The following DESI2 variants were observed in gnomAD, a reference collection of about 807,000 sequenced individuals.
The protein encoded by DESI2 is deubiquitinase DESI2.
Under a neutral mutation model 24.1 loss-of-function variants are expected in DESI2, and 10 were observed. The observed-to-expected ratio is 0.41, with a 90% CI of 0.26 to 0.70. DESI2 has a LOEUF of 0.70. Among genes scored for constraint, DESI2 ranks in the 30% least tolerant of loss-of-function variants. The pLI, the probability that DESI2 is intolerant of heterozygous loss-of-function variation, is 0.29. For missense variants in DESI2, 122 were observed against 234.9 expected, an observed-to-expected ratio of 0.52 and a Z score of 3.14; for synonymous variants, 71 against 87.7, an observed-to-expected ratio of 0.81 and a Z score of 1.06.
At chr1:244,675,191 A>G (rs1472722512) in intron 1 of DESI2, among the ~76,000 whole-genome samples, 2 of 152,144 alleles carry the variant, frequency 1.3e-5, no homozygotes, top group African/African-American at 4.8e-5. Flanking sequence ...TGTATTCTAC[A>G]TATAAGTCCC....
intron 4 of DESI2, among the ~76,000 whole-genome samples, chr1:244,696,830 A>G (rs901568021): frequency 3.9e-5 from 6 of 152,032 alleles, no homozygotes; most frequent in Non-Finnish European, 7.4e-5. Context: ...TTGTACAACT[A>G]ATTTGGTTTA....
intron 1 of DESI2, among the ~76,000 whole-genome samples, chr1:244,666,322 G>T (rs1558652571): frequency 6.6e-6 from 1 of 152,110 alleles, no homozygotes; most frequent in East Asian, 1.9e-4. Context: ...CTGTGTACTA[G>T]AACCCATCCT....
chr1:244,666,204 G>A (rs1245158902), intron 1 of DESI2, among the ~76,000 whole-genome samples: 2 of 152,062 alleles, frequency 1.3e-5, no homozygotes, highest in African/African-American at 4.8e-5. Context: ...AAAAGAAAAG[G>A]CAGTTTTCTC....
At position 244,653,196 on chromosome 1, in the gene DESI2, G is replaced by C. The variant is rs1379744865; in HGVS notation, c.-118G>C. ...GCTTCCGCCCCGGCTGCCGCGGGCCGGGCTGTACGCTTAGTGCCCGGCTCA... is the reference window on the plus strand; with the variant it reads ...GCTTCCGCCCCGGCTGCCGCGGGCCCGGCTGTACGCTTAGTGCCCGGCTCA... On this transcript the variant is annotated 5_prime_UTR_variant, in exon 1 of 5. Coordinates refer to ENST00000302550, the MANE Select transcript of DESI2 (RefSeq NM_016076.5). 25 of 1,084,144 alleles carry C rather than the reference G, an allele frequency of 2.3e-5. No individual in the cohort carries two copies. Among genetic ancestry groups the C allele is most frequent in the Non-Finnish European group, 3.1e-5 (25 of 811,932 alleles). 67.2% of individuals were successfully genotyped at this position (1,084,144 alleles called of 1,614,324 possible).
intron 1 of DESI2, among the ~76,000 whole-genome samples, chr1:244,671,313 G>A (rs1380807373): frequency 6.6e-6 from 1 of 152,158 alleles, no homozygotes; most frequent in Non-Finnish European, 1.5e-5. Flanking sequence ...ACCTTAAGTA[G>A]ATGTGGTTCG....
intron 1 of DESI2, chr1:244,653,939 C>T (rs1318212876): frequency 4.2e-6 from 2 of 471,196 alleles, no homozygotes; most frequent in Non-Finnish European, 8.8e-6. Flanking sequence ...ATGAATGAGG[C>T]TAACATTTCT....
chr1:244,668,522 G>A (rs554366990), intron 1 of DESI2, among the ~76,000 whole-genome samples: 1 of 152,256 alleles, frequency 6.6e-6, no homozygotes, highest in African/African-American at 2.4e-5. Flanking sequence ...CCTCTAACAT[G>A]AACACTGATT....
chr1:244,690,284 C>T (rs1198075144), intron 3 of DESI2, among the ~76,000 whole-genome samples: 2 of 152,120 alleles, frequency 1.3e-5, no homozygotes. Context: ...GTGTTCTCAT[C>T]GTTCAGTTCC....
intron 1 of DESI2, among the ~76,000 whole-genome samples, chr1:244,663,380 G>T (rs1476049721): frequency 3.9e-5 from 6 of 152,032 alleles, no homozygotes; most frequent in South Asian, 4.2e-4. Context: ...GTTTCACCAT[G>T]TTAGCCAGGA....
chr1:244,694,596 C>A (rs568437792), intron 4 of DESI2: 2 of 846,912 alleles, frequency 2.4e-6, no homozygotes, highest in African/African-American at 1.7e-5. Flanking sequence ...CTTTCTCTTG[C>A]GCTTGGCGGG....
rs1406967509 is a variant in DESI2, at chr1:244,696,502, C to T, written c.351+4482C>T. Reference sequence around the variant, plus strand: ...AGGCACGGTGGTGTGTGCCTGTAGTCCCAGCTGCTTGGGAGGCTGAGGTAG... The same window carrying T: ...AGGCACGGTGGTGTGTGCCTGTAGTTCCAGCTGCTTGGGAGGCTGAGGTAG... On this transcript the variant is annotated intron_variant, in intron 4 of 4. Coordinates refer to ENST00000302550, the MANE Select transcript of DESI2 (RefSeq NM_016076.5). 7.2e-5 allele frequency among the ~76,000 whole-genome samples: 11 copies of T among 152,114 alleles called. 1 individual carries two copies. Among genetic ancestry groups the T allele is most frequent in the African/African-American group, 2.7e-4 (11 of 41,414 alleles).
At chr1:244,665,841 G>C (rs535887938) in intron 1 of DESI2, among the ~76,000 whole-genome samples, 1 of 152,308 alleles carries the variant, frequency 6.6e-6, no homozygotes, top group East Asian at 1.9e-4. Flanking sequence ...GTGTGAGCCA[G>C]TTCCTTAAAA....
intron 1 of DESI2, 156 bp downstream of exon 1, chr1:244,653,511 T>C (rs930673841): frequency 1.6e-5 from 11 of 697,074 alleles, no homozygotes; most frequent in African/African-American, 1.5e-4. Context: ...AGTATTGTTA[T>C]TTTTTAATCC....
chr1:244,705,823 T>G lies in DESI2; in HGVS notation c.*34T>G. The G allele has an allele frequency of 5.0e-5, 73 of 1,469,604 alleles. No homozygotes were observed. The highest frequency in any genetic ancestry group is 6.1e-5 in the Non-Finnish European group (65 of 1,065,800). The allele number at this position is 1,469,604 out of a possible 1,614,324, so 91.0% of individuals were successfully genotyped here. ...AAAGTCACACATTCAGAACTGTCTC[T>G]GGCAGTCGAATATCACTAGAGAAAA... On this transcript the variant is annotated 3_prime_UTR_variant, in exon 5 of 5. Coordinates refer to ENST00000302550, the MANE Select transcript of DESI2 (RefSeq NM_016076.5).
chr1:244,679,859 A>G (rs1480427138), intron 1 of DESI2, among the ~76,000 whole-genome samples: 1 of 86,566 alleles, frequency 1.2e-5, no homozygotes, highest in Non-Finnish European at 2.1e-5. Flanking sequence ...AGAGTGAGAG[A>G]CTCTATCTCA....
chr1:244,665,548 C>T (rs1040445175), intron 1 of DESI2, among the ~76,000 whole-genome samples: 8 of 152,160 alleles, frequency 5.3e-5, no homozygotes, highest in African/African-American at 1.9e-4. Flanking sequence ...TGCTATGTGT[C>T]GACTTGAGTA....
intron 1 of DESI2, 84 bp from the exon 2 acceptor site, chr1:244,686,513 G>A: frequency 1.2e-6 from 1 of 843,982 alleles, no homozygotes; most frequent in South Asian, 1.4e-5. Context: ...CAGAGTGAAA[G>A]ACTGGGGAGC....
At chr1:244,699,578 CAAAAAAAAAAAAAAAAAAA>C (rs559295405) in intron 4 of DESI2, among the ~76,000 whole-genome samples, 37 of 66,224 alleles carry the variant, frequency 5.6e-4, no homozygotes, top group African/African-American at 1.3e-3. Context: ...GAGACTGTCT[CAAAAAAAAAAAAAAAAAAA>C]AAAAAAAAAA....
At chr1:244,656,048 A>T (rs922683284) in intron 1 of DESI2, among the ~76,000 whole-genome samples, 7 of 152,198 alleles carry the variant, frequency 4.6e-5, no homozygotes, top group African/African-American at 1.7e-4. Context: ...TTTTTGTTTG[A>T]TGCCAAGGGT....
Sources: allele counts gnomAD v4.1 joint callset (sites outside exome capture counted in the v4.1 genomes callset), GRCh38; gene constraint gnomAD v4.1.1; transcripts MANE v1.5; gene names NCBI Gene and HGNC (gene_info 2026-07-23, HGNC 2026-07-21).